Variants in PIGB observed in about 807,000 individuals in gnomAD.
PIGB encodes GPI alpha-1,2-mannosyltransferase 3.
In PIGB, 58 loss-of-function variants were observed where a neutral mutation model predicts 68.4. The ratio of observed to expected loss-of-function variants is 0.85; its 90% CI spans 0.69 to 1.06. The LOEUF (loss-of-function observed/expected upper bound fraction) is 1.06. Ranked by LOEUF, PIGB falls within the 50% of genes least tolerant of loss-of-function variation. PIGB has a pLI of 0.00. For missense variants in PIGB, 634 were observed against 655.8 expected (o/e 0.97, Z 0.36); for synonymous variants, 219 against 220.5 (o/e 0.99, Z 0.06).
intron 10 of PIGB, among the ~76,000 whole-genome samples, chr15:55,352,969 C>T (rs1289811718): frequency 1.3e-5 from 2 of 152,092 alleles, no homozygotes; most frequent in African/African-American, 4.8e-5. Flanking sequence ...CTAGCAAAAA[C>T]CACAGGCTAA....
Position 55,329,812 on chromosome 15 carries a change from C to T in PIGB, c.611C>T (p.Ala204Val). Residue 204 changes from alanine to valine, a missense_variant, in exon 5 of 12, where the codon GCT (alanine) becomes GTT (valine). Ala to Val is a moderately conservative substitution (Grantham distance 64, BLOSUM62 0). Coordinates refer to ENST00000164305, the MANE Select transcript of PIGB (RefSeq NM_004855.5). ...ATGGAAACTGTTCTCACTATAATTG[C>T]TCTTTTCTACTATCCTTTGGAAGGT... ...NTMETVLTII[A>V]LFYYPLEGSK... 6.2e-7 allele frequency: 1 copy of T among 1,601,200 alleles called. No homozygotes were observed. Among genetic ancestry groups the T allele is most frequent in the Non-Finnish European group, 8.6e-7 (1 of 1,168,424 alleles).
chr15:55,325,455 A>G (rs557921011), intron 3 of PIGB, among the ~76,000 whole-genome samples: 1 of 152,028 alleles, frequency 6.6e-6, no homozygotes, highest in Non-Finnish European at 1.5e-5. Flanking sequence ...TAACTATGAC[A>G]CCTTTTTTTT....
chr15:55,346,808 T>C (rs746066307), intron 9 of PIGB: 1 of 152,234 alleles, frequency 6.6e-6, no homozygotes, highest in African/African-American at 2.4e-5. Flanking sequence ...GTTCATTTGT[T>C]TTAAATATTG....
intron 3 of PIGB, 62 bp from the exon 4 acceptor site, chr15:55,327,469 C>G (rs1302726650): frequency 9.2e-7 from 1 of 1,081,700 alleles, no homozygotes; most frequent in African/African-American, 1.6e-5. Context: ...TGACTTTTAT[C>G]ATAATTCAGT....
At chr15:55,351,078 G>C (rs369954124) in intron 10 of PIGB, among the ~76,000 whole-genome samples, 166 bp downstream of exon 10, 14 of 150,044 alleles carry the variant, frequency 9.3e-5, no homozygotes, top group Non-Finnish European at 1.6e-4. Context: ...CTTGAACTGT[G>C]TCAAAGAAAA....
At chr15:55,349,797 T>A (rs1302956772) in intron 9 of PIGB, 2 of 152,326 alleles carry the variant, frequency 1.3e-5, no homozygotes, top group Non-Finnish European at 2.9e-5. Context: ...CAAAAAGAAC[T>A]ATTATCTAGT....
chr15:55,331,190 C>G (rs570409808), intron 5 of PIGB, among the ~76,000 whole-genome samples: 2 of 152,230 alleles, frequency 1.3e-5, no homozygotes, highest in South Asian at 4.1e-4. Flanking sequence ...TTGAGAGAAT[C>G]GAATTAGGTC....
intron 9 of PIGB, among the ~76,000 whole-genome samples, chr15:55,345,873 T>A (rs538385708): frequency 1.3e-5 from 2 of 152,344 alleles, no homozygotes; most frequent in Non-Finnish European, 2.9e-5. Flanking sequence ...ATTCCAGAAT[T>A]GAACCACCTT....
At chr15:55,336,429 A>G (rs962653129) in intron 6 of PIGB, among the ~76,000 whole-genome samples, 1 of 152,140 alleles carries the variant, frequency 6.6e-6, no homozygotes, top group Non-Finnish European at 1.5e-5. Flanking sequence ...TACGTCAAAA[A>G]TGCACTTAAC....
intron 3 of PIGB, among the ~76,000 whole-genome samples, chr15:55,326,533 T>A (rs1039819698): frequency 6.6e-6 from 1 of 152,178 alleles, no homozygotes; most frequent in Non-Finnish European, 1.5e-5. Flanking sequence ...TTTGAATTTT[T>A]AAAAACCTGT....
rs527626771 is a variant in PIGB at position 55,349,359 on chromosome 15, A to T, written c.1124-1340A>T. ...TATCACGCCTGGCTAATTTTTTTTTATTTTAAATGGAGTCTCACTATGTTG... is the reference window on the plus strand; with the variant it reads ...TATCACGCCTGGCTAATTTTTTTTTTTTTTAAATGGAGTCTCACTATGTTG... On this transcript the variant is annotated intron_variant, in intron 9 of 11. Transcript: ENST00000164305. Among the ~76,000 whole-genome samples, 15 of 147,514 alleles carry T rather than the reference A, an allele frequency of 1.0e-4. No individual in the cohort carries two copies. The East Asian group carries it at 2.3e-3, about 22-fold the overall frequency.
At chr15:55,345,580 G>A (rs1250809289) in intron 9 of PIGB, among the ~76,000 whole-genome samples, 1 of 152,154 alleles carries the variant, frequency 6.6e-6, no homozygotes, top group Non-Finnish European at 1.5e-5. Flanking sequence ...CCAACAGGGT[G>A]AAACCCTGTC....
At chr15:55,349,998 A>G (rs1288245988) in intron 9 of PIGB, 3 of 152,178 alleles carry the variant, frequency 2.0e-5, no homozygotes, top group African/African-American at 7.2e-5. Flanking sequence ...ATACCCGTCT[A>G]TTCATTCTAC....
intron 4 of PIGB, among the ~76,000 whole-genome samples, chr15:55,329,366 T>C (rs1460426398): frequency 6.6e-6 from 1 of 152,222 alleles, no homozygotes; most frequent in African/African-American, 2.4e-5. Context: ...TTGAGAAATA[T>C]TGATTGGAAG....
At chr15:55,346,042 C>T (rs1287123079) in intron 9 of PIGB, among the ~76,000 whole-genome samples, 3 of 152,110 alleles carry the variant, frequency 2.0e-5, no homozygotes, top group African/African-American at 7.2e-5. Flanking sequence ...AGGATGGAAT[C>T]AGCAATGTAC....
intron 6 of PIGB, among the ~76,000 whole-genome samples, chr15:55,334,873 C>T (rs956385467): frequency 4.6e-5 from 7 of 152,306 alleles, no homozygotes; most frequent in Middle Eastern, 3.4e-3. Flanking sequence ...GCGCCTGCCA[C>T]CACGCCTGGC....
intron 4 of PIGB, among the ~76,000 whole-genome samples, chr15:55,328,486 C>T (rs972527813): frequency 6.6e-6 from 1 of 152,128 alleles, no homozygotes; most frequent in African/African-American, 2.4e-5. Context: ...AGAAAGGGAA[C>T]ATTTCTGCAG....
chr15:55,332,810 G>A (rs2055447832), intron 5 of PIGB, among the ~76,000 whole-genome samples: 1 of 152,086 alleles, frequency 6.6e-6, no homozygotes. Flanking sequence ...TAGTCCTCAT[G>A]ATTAAATTAT....
chr15:55,340,691 A>G lies in PIGB; in HGVS notation c.926A>G (p.His309Arg). 6.2e-7 allele frequency: 1 copy of G among 1,612,568 alleles called. No individual in the cohort carries two copies. Among genetic ancestry groups the G allele is most frequent in the South Asian group, 1.1e-5 (1 of 90,780 alleles). Residue 309 changes from histidine (H) to arginine (R), a missense_variant, in exon 8 of 12, where the codon CAC becomes CGC. His to Arg is a conservative substitution (Grantham distance 29). Coordinates refer to ENST00000164305, the MANE Select transcript of PIGB (RefSeq NM_004855.5). The stretch of plus-strand genomic sequence containing the variant: ...ACATTTTATGGTTCTCATCCATGGC[A>G]CTGGTACTTCAGTCAAGGATTTCCA... ...WGTFYGSHPW[H>R]WYFSQGFPVI...
Sources: allele counts gnomAD v4.1 joint callset (sites outside exome capture counted in the v4.1 genomes callset), GRCh38; gene constraint gnomAD v4.1.1; transcripts MANE v1.5; gene names NCBI Gene and HGNC (gene_info 2026-07-23, HGNC 2026-07-21).